Variants in ADGRB3 observed in about 807,000 individuals in gnomAD.
ADGRB3 encodes adhesion G protein-coupled receptor B3, also known as brain-specific angiogenesis inhibitor 3.
ADGRB3 carries 37 observed loss-of-function variants against 193.4 expected under a neutral mutation model. The ratio of observed to expected loss-of-function variants is 0.19; its 90% CI spans 0.15 to 0.25. The LOEUF is 0.25. Ranked by LOEUF, ADGRB3 falls within the 10% of genes least tolerant of loss-of-function variation. ADGRB3 has a pLI of 1.00. For missense variants in ADGRB3, 1,637 were observed against 1,852.9 expected (o/e 0.88, Z 2.14); for synonymous variants, 690 against 644.2 (o/e 1.07, Z -1.08).
At chr6:68,806,075 T>C (rs1767395413) in intron 3 of ADGRB3, among the ~76,000 whole-genome samples, 1 of 152,228 alleles carries the variant, frequency 6.6e-6, no homozygotes, top group African/African-American at 2.4e-5. Context: ...TCAATAGGGA[T>C]CTCACTCATT....
chr6:68,733,326 A>G (rs771686416), intron 3 of ADGRB3, among the ~76,000 whole-genome samples: 2 of 150,604 alleles, frequency 1.3e-5, no homozygotes, highest in East Asian at 2.0e-4. Context: ...AAAAAGAATG[A>G]CATCGTGTCC....
chr6:69,203,338 G>A (rs933104210), intron 17 of ADGRB3, among the ~76,000 whole-genome samples: 10 of 152,016 alleles, frequency 6.6e-5, no homozygotes, highest in Admixed American at 1.3e-4. Context: ...AGCAAAACAG[G>A]CATTGCCAGG....
At chr6:68,723,570 G>T (rs1364838893) in intron 3 of ADGRB3, among the ~76,000 whole-genome samples, 1 of 151,720 alleles carries the variant, frequency 6.6e-6, no homozygotes, top group Non-Finnish European at 1.5e-5. Context: ...GTCAAATGCT[G>T]TTGGTTCTGT....
intron 8 of ADGRB3, among the ~76,000 whole-genome samples, chr6:68,974,222 G>T (rs1048496270): frequency 6.6e-6 from 1 of 151,978 alleles, no homozygotes; most frequent in African/African-American, 2.4e-5. Context: ...AAATCCAAAT[G>T]ACCTCTATAA....
intron 11 of ADGRB3, among the ~76,000 whole-genome samples, chr6:69,000,332 T>A (rs969467109): frequency 2.0e-5 from 3 of 152,218 alleles, no homozygotes; most frequent in Non-Finnish European, 4.4e-5. Context: ...TTTGAGAATC[T>A]GGTCACAACA....
chr6:69,224,348 A>G (rs1765962069), intron 17 of ADGRB3, among the ~76,000 whole-genome samples: 1 of 152,094 alleles, frequency 6.6e-6, no homozygotes, highest in Non-Finnish European at 1.5e-5. Context: ...CATATGTTTA[A>G]ATGTGCTCTA....
chr6:68,779,305 T>C (rs1766810134), intron 3 of ADGRB3, among the ~76,000 whole-genome samples: 1 of 151,020 alleles, frequency 6.6e-6, no homozygotes, highest in Admixed American at 6.6e-5. Flanking sequence ...AAAGTGGCCT[T>C]AGAAAGCTAT....
intron 3 of ADGRB3, among the ~76,000 whole-genome samples, chr6:68,821,602 A>G (rs1767748915): frequency 6.6e-6 from 1 of 151,270 alleles, no homozygotes; most frequent in Admixed American, 6.6e-5. Context: ...AAAAAATTTG[A>G]GTTTTGAGTG....
intron 24 of ADGRB3, among the ~76,000 whole-genome samples, chr6:69,337,337 A>T (rs1303566218): frequency 6.6e-6 from 1 of 152,178 alleles, no homozygotes; most frequent in Non-Finnish European, 1.5e-5. Context: ...TAACAAGATT[A>T]AAGAAATGCA....
intron 3 of ADGRB3, among the ~76,000 whole-genome samples, chr6:68,683,237 G>T (rs1764927577): frequency 6.6e-6 from 1 of 151,966 alleles, no homozygotes; most frequent in Non-Finnish European, 1.5e-5. Context: ...CTGTTTTCAA[G>T]AATTTATTAA....
At chr6:69,387,554 G>T (rs1767153830) in intron 31 of ADGRB3, among the ~76,000 whole-genome samples, 1 of 151,902 alleles carries the variant, frequency 6.6e-6, no homozygotes, top group South Asian at 2.1e-4. Context: ...TCCAGTTATG[G>T]TAAGTGTTTT....
chr6:68,964,461 C>T (rs1445182000), intron 8 of ADGRB3, among the ~76,000 whole-genome samples: 4 of 152,152 alleles, frequency 2.6e-5, no homozygotes, highest in African/African-American at 9.7e-5. Context: ...CAAATACTAT[C>T]ATTTCTACAT....
chr6:69,351,118 A>T (rs187068042), intron 26 of ADGRB3, among the ~76,000 whole-genome samples: 1 of 147,748 alleles, frequency 6.8e-6, no homozygotes, highest in East Asian at 2.0e-4. Context: ...TTTGAGACAT[A>T]GTCTTGCTCT....
At position 69,136,940 on chromosome 6, in the gene ADGRB3, G is replaced by A. The variant is rs371071502; in HGVS notation, c.2480+60902G>A. Reference sequence around the variant, plus strand: ...CAGTGATGTCATTGAGTACAGAACCGATTTCAATCCCTCACTGGTGGTTTC... The same window carrying A: ...CAGTGATGTCATTGAGTACAGAACCAATTTCAATCCCTCACTGGTGGTTTC... On this transcript the variant is annotated intron_variant, in intron 17 of 31. Transcript: ENST00000370598. Among the ~76,000 whole-genome samples, 113 of 152,096 alleles carry A rather than the reference G, an allele frequency of 7.4e-4. 1 individual carries two copies. In the South Asian group the frequency reaches 0.018, roughly 24 times the overall value.
At chr6:68,943,766 A>G in intron 5 of ADGRB3, 64 bp from the exon 6 acceptor site, 2 of 1,388,014 alleles carry the variant, frequency 1.4e-6, no homozygotes, top group Non-Finnish European at 1.9e-6. Flanking sequence ...TTTAATTATA[A>G]AGAAAATGAT....
intron 17 of ADGRB3, among the ~76,000 whole-genome samples, chr6:69,087,957 A>G (rs1185748532): frequency 6.6e-6 from 1 of 152,180 alleles, no homozygotes; most frequent in East Asian, 1.9e-4. Flanking sequence ...AGCCACTAAT[A>G]TGTATGGTCT....
intron 3 of ADGRB3, among the ~76,000 whole-genome samples, chr6:68,915,167 G>A (rs1207996781): frequency 6.6e-6 from 1 of 152,138 alleles, no homozygotes; most frequent in Non-Finnish European, 1.5e-5. Context: ...CCATCAATTT[G>A]ACGCAATTTT....
At chr6:69,006,950 C>G (rs1207782368) in intron 11 of ADGRB3, among the ~76,000 whole-genome samples, 1 of 151,952 alleles carries the variant, frequency 6.6e-6, no homozygotes, top group Non-Finnish European at 1.5e-5. Context: ...ACTGAAAAGC[C>G]TCCAGTTTAA....
At chr6:68,894,104 A>G (rs1235496098) in intron 3 of ADGRB3, among the ~76,000 whole-genome samples, 1 of 151,974 alleles carries the variant, frequency 6.6e-6, no homozygotes, top group Non-Finnish European at 1.5e-5. Context: ...CTATGAAATA[A>G]CATTTATTTC....
Sources: gnomAD v4.1 joint callset for allele counts (sites outside exome capture counted in the v4.1 genomes callset) on GRCh38, gnomAD v4.1.1 for gene constraint, MANE v1.5 for transcripts, NCBI Gene and HGNC (gene_info 2026-07-23, HGNC 2026-07-21) for gene names.